DIAPH3: variants seen among roughly 807,000 people sequenced by gnomAD.
DIAPH3 encodes diaphanous related formin 3.
In DIAPH3, 117 loss-of-function variants were observed where a neutral mutation model predicts 144.3. That is an observed-to-expected ratio of 0.81 (90% confidence interval 0.70 to 0.95). The LOEUF is 0.95. Ranked by LOEUF, DIAPH3 falls within the 40% of genes least tolerant of loss-of-function variation. The pLI is 0.00. For missense variants in DIAPH3, 1,421 were observed against 1,412.7 expected (o/e 1.01, Z -0.09); for synonymous variants, 519 against 488.9 (o/e 1.06, Z -0.81).
chr13:59,824,662 C>A (rs1010686340), intron 24 of DIAPH3, among the ~76,000 whole-genome samples: 1 of 152,074 alleles, frequency 6.6e-6, no homozygotes, highest in Non-Finnish European at 1.5e-5. Context: ...ATTTTATGAA[C>A]TAGAAAATAA....
intron 22 of DIAPH3, among the ~76,000 whole-genome samples, chr13:59,847,243 A>C (rs2042693886): frequency 6.6e-6 from 1 of 152,160 alleles, no homozygotes; most frequent in Non-Finnish European, 1.5e-5. Flanking sequence ...TTCCTTAATT[A>C]ATTTACTATA....
intron 25 of DIAPH3, among the ~76,000 whole-genome samples, chr13:59,809,941 A>G (rs1301720261): frequency 6.6e-6 from 1 of 152,162 alleles, no homozygotes; most frequent in African/African-American, 2.4e-5. Flanking sequence ...TGGAAGTAGA[A>G]AAGCCAAATT....
chr13:60,075,188 T>C (rs187569453), intron 4 of DIAPH3, among the ~76,000 whole-genome samples: 36 of 152,326 alleles, frequency 2.4e-4, no homozygotes, highest in Non-Finnish European at 5.0e-4. Flanking sequence ...CATATTGAAA[T>C]TGAACGTCTT....
intron 24 of DIAPH3, among the ~76,000 whole-genome samples, chr13:59,829,347 C>A (rs947518590): frequency 1.3e-5 from 2 of 151,888 alleles, no homozygotes; most frequent in Admixed American, 1.3e-4. Flanking sequence ...TTTGACACAG[C>A]AATAGCAGTT....
intron 2 of DIAPH3, among the ~76,000 whole-genome samples, chr13:60,126,790 C>T (rs1343271539): frequency 6.6e-6 from 1 of 151,858 alleles, no homozygotes; most frequent in Non-Finnish European, 1.5e-5. Flanking sequence ...ATAACATATA[C>T]CAAAATAACC....
intron 21 of DIAPH3, among the ~76,000 whole-genome samples, chr13:59,874,469 T>TA (rs1251077572): frequency 1.3e-4 from 20 of 152,280 alleles, no homozygotes; most frequent in Non-Finnish European, 1.8e-4. Flanking sequence ...CAGAATCAGA[T>TA]AAAAAATTCA....
chr13:59,708,754 A>G (rs2034565244), intron 27 of DIAPH3, among the ~76,000 whole-genome samples: 2 of 152,090 alleles, frequency 1.3e-5, no homozygotes, highest in South Asian at 4.1e-4. Flanking sequence ...CAATCCCCCA[A>G]TTTATATTTT....
At chr13:59,929,123 T>C (rs1376107178) in intron 17 of DIAPH3, among the ~76,000 whole-genome samples, 2 of 152,154 alleles carry the variant, frequency 1.3e-5, no homozygotes, top group Admixed American at 1.3e-4. Context: ...CATTGGAGCA[T>C]TTCAGATTAG....
At chr13:59,676,943 A>G (rs2032674647) in intron 27 of DIAPH3, among the ~76,000 whole-genome samples, 1 of 152,186 alleles carries the variant, frequency 6.6e-6, no homozygotes, top group African/African-American at 2.4e-5. Flanking sequence ...GCCTATTACT[A>G]CATATATACT....
chr13:59,834,617 G>A (rs2041948458), intron 23 of DIAPH3, among the ~76,000 whole-genome samples: 1 of 151,560 alleles, frequency 6.6e-6, no homozygotes, highest in Non-Finnish European at 1.5e-5. Context: ...AGTAAATGTA[G>A]GCTAGCATAT....
At chr13:59,677,421 A>G (rs1420944890) in intron 27 of DIAPH3, among the ~76,000 whole-genome samples, 1 of 151,194 alleles carries the variant, frequency 6.6e-6, no homozygotes, top group Non-Finnish European at 1.5e-5. Context: ...TTAAACATTG[A>G]AAAAAAAAGG....
chr13:60,042,318 T>C (rs944330078), intron 5 of DIAPH3, among the ~76,000 whole-genome samples: 1 of 152,072 alleles, frequency 6.6e-6, no homozygotes, highest in African/African-American at 2.4e-5. Flanking sequence ...ACAGAAAAAA[T>C]TAATTAGTGG....
chr13:60,052,798 TA>T (rs2056398998), intron 4 of DIAPH3, among the ~76,000 whole-genome samples: 1 of 151,064 alleles, frequency 6.6e-6, no homozygotes, highest in African/African-American at 2.4e-5. Context: ...CCGTCTCTAC[TA>T]AAAATACAAA....
intron 22 of DIAPH3, among the ~76,000 whole-genome samples, chr13:59,851,444 A>G (rs916599001): frequency 1.3e-5 from 2 of 152,160 alleles, no homozygotes; most frequent in African/African-American, 4.8e-5. Flanking sequence ...TAAAACTGCA[A>G]AAAACCCTGC....
chr13:59,734,451 T>A (rs2036038650), intron 27 of DIAPH3, among the ~76,000 whole-genome samples: 3 of 152,220 alleles, frequency 2.0e-5, no homozygotes, highest in Admixed American at 2.0e-4. Flanking sequence ...AATTATTGAA[T>A]TGATGAGTAG....
intron 5 of DIAPH3, among the ~76,000 whole-genome samples, chr13:60,025,682 T>C (rs2054329504): frequency 6.6e-6 from 1 of 151,992 alleles, no homozygotes; most frequent in African/African-American, 2.4e-5. Flanking sequence ...TCAACAACAA[T>C]TTATAAATAA....
chr13:59,888,310 C>T (rs992344142), intron 20 of DIAPH3, among the ~76,000 whole-genome samples: 1 of 152,142 alleles, frequency 6.6e-6, no homozygotes, highest in South Asian at 2.1e-4. Context: ...AATAAGTGGG[C>T]CCTCACCAGA....
intron 9 of DIAPH3, among the ~76,000 whole-genome samples, chr13:59,999,822 G>A (rs556816970): frequency 2.6e-5 from 4 of 152,134 alleles, no homozygotes; most frequent in Admixed American, 6.5e-5. Context: ...CTCCTCCAGG[G>A]TCTCTCACAG....
chr13:59,787,545 G>A (rs1425802057), intron 25 of DIAPH3, among the ~76,000 whole-genome samples: 1 of 152,016 alleles, frequency 6.6e-6, no homozygotes. Flanking sequence ...GTGAGACTTT[G>A]TTTCTATTAA....
Sources: gnomAD v4.1 joint callset for allele counts (sites outside exome capture counted in the v4.1 genomes callset) on GRCh38, gnomAD v4.1.1 for gene constraint, MANE v1.5 for transcripts, NCBI Gene and HGNC (gene_info 2026-07-23, HGNC 2026-07-21) for gene names.